Variants in PTK2B observed in about 807,000 individuals in gnomAD.
The protein encoded by PTK2B is protein-tyrosine kinase 2-beta.
In PTK2B, 71 loss-of-function variants were observed where a neutral mutation model predicts 142.9. That is an observed-to-expected ratio of 0.50 (90% CI 0.41 to 0.61). PTK2B has a LOEUF of 0.61. Ranked by LOEUF, PTK2B falls within the 20% of genes least tolerant of loss-of-function variation. The probability of loss-of-function intolerance (pLI) is 0.00; values close to 1 mark genes in which losing one functional copy is unlikely to be tolerated. For missense variants in PTK2B, 1,105 were observed against 1,320.4 expected (o/e 0.84, Z 2.53); for synonymous variants, 519 against 503.4 (o/e 1.03, Z -0.42).
chr8:27,388,743 A>G (rs971543799), intron 1 of PTK2B, among the ~76,000 whole-genome samples: 6 of 152,216 alleles, frequency 3.9e-5, no homozygotes, highest in African/African-American at 1.4e-4. Context: ...CAAGTGCTAC[A>G]AATCAAGGCA....
In PTK2B at chr8:27,372,126, A is replaced by G. The variant is rs181045988; in HGVS notation, c.-37-25422A>G. Among the ~76,000 whole-genome samples, 223 of 152,352 alleles carry G rather than the reference A, an allele frequency of 1.5e-3. 1 individual carries two copies. The highest frequency in any genetic ancestry group is 4.7e-3 in the African/African-American group (195 of 41,584). The stretch of plus-strand genomic sequence containing the variant: ...TGTGACTATATTCAACACTAGAAAT[A>G]TGATATAAATGTGGTCAGTGAGCCA... On this transcript the variant is annotated intron_variant, in intron 1 of 30. Transcript: ENST00000346049.
chr8:27,422,451 C>A, intron 5 of PTK2B, 68 bp downstream of exon 5: 1 of 1,360,556 alleles, frequency 7.3e-7, no homozygotes, highest in South Asian at 1.5e-5. Context: ...GACCTTTCCC[C>A]ATGTCCAAGA....
chr8:27,404,459 A>G (rs1242956427), intron 2 of PTK2B, among the ~76,000 whole-genome samples: 3 of 152,154 alleles, frequency 2.0e-5, no homozygotes, highest in Admixed American at 1.3e-4. Context: ...TCACATTCAC[A>G]TCCTCAGGAG....
intron 2 of PTK2B, among the ~76,000 whole-genome samples, chr8:27,417,590 A>C (rs1438787902): frequency 6.6e-6 from 1 of 152,218 alleles, no homozygotes; most frequent in Non-Finnish European, 1.5e-5. Context: ...TAGAAATTTT[A>C]CATTTAAAGA....
chr8:27,333,479 C>T (rs1208598805), intron 1 of PTK2B, among the ~76,000 whole-genome samples: 1 of 152,094 alleles, frequency 6.6e-6, no homozygotes, highest in Admixed American at 6.5e-5. Flanking sequence ...TATTTCAGGC[C>T]TCACACATCT....
chr8:27,395,121 G>C (rs1807966174), intron 1 of PTK2B, among the ~76,000 whole-genome samples: 1 of 152,020 alleles, frequency 6.6e-6, no homozygotes, highest in Non-Finnish European at 1.5e-5. Context: ...AAAAATTATA[G>C]TAGAGGAAGT....
At chr8:27,412,442 C>G (rs1039602308) in intron 2 of PTK2B, among the ~76,000 whole-genome samples, 1 of 152,228 alleles carries the variant, frequency 6.6e-6, no homozygotes, top group African/African-American at 2.4e-5. Context: ...TTAAACACCC[C>G]CTCTGCAGAA....
At chr8:27,381,021 G>A (rs1023015084) in intron 1 of PTK2B, among the ~76,000 whole-genome samples, 3 of 152,128 alleles carry the variant, frequency 2.0e-5, no homozygotes, top group Non-Finnish European at 2.9e-5. Context: ...CTTCAGATTG[G>A]CTAAGAGAGT....
At chr8:27,379,786 A>T (rs1806902506) in intron 1 of PTK2B, among the ~76,000 whole-genome samples, 1 of 152,112 alleles carries the variant, frequency 6.6e-6, no homozygotes, top group African/African-American at 2.4e-5. Context: ...ATCTAAAAAA[A>T]CTGGACTGCA....
At chr8:27,311,524 G>T in exon 1 of PTK2B, 1 of 491,440 alleles carries the variant, frequency 2.0e-6, no homozygotes, top group East Asian at 3.5e-5. Flanking sequence ...CCTGGCCGGG[G>T]TAGCACGGAA....
chr8:27,430,573 C>T (rs1391285695), intron 7 of PTK2B, among the ~76,000 whole-genome samples, 155 bp downstream of exon 7: 4 of 152,082 alleles, frequency 2.6e-5, no homozygotes, highest in Admixed American at 6.5e-5. Context: ...CAGGGGTCCT[C>T]TCTGGGGCTG....
chr8:27,357,278 CAAATT>C lies in PTK2B; in HGVS notation c.-38+31601_-38+31605del, dbSNP rs201467191. Reference sequence around the variant, plus strand: ...AAATAAAAAGTACAAAAAATACTGACAAATTAAAATTCCTCTGACACTTCTTCTGT... The same window carrying C: ...AAATAAAAAGTACAAAAAATACTGACAAAATTCCTCTGACACTTCTTCTGT... On this transcript the variant is annotated intron_variant, in intron 1 of 30. Transcript: ENST00000346049. 7.6e-3 allele frequency among the ~76,000 whole-genome samples: 1,157 copies of C among 152,336 alleles called. 16 individuals carry two copies. Among genetic ancestry groups the C allele is most frequent in the African/African-American group, 0.026 (1,092 of 41,584 alleles).
chr8:27,315,426 T>C (rs1586067363), intron 3 of PTK2B, among the ~76,000 whole-genome samples: 1 of 152,172 alleles, frequency 6.6e-6, no homozygotes, highest in Admixed American at 6.5e-5. Context: ...TTAGAGGCAA[T>C]ATCCAAAAAA....
chr8:27,420,542 G>C (rs984267554), intron 3 of PTK2B, 115 bp from the exon 4 acceptor site: 1 of 973,126 alleles, frequency 1.0e-6, no homozygotes, highest in African/African-American at 1.6e-5. Flanking sequence ...CGAGACTCAT[G>C]GGCAGCCCTT....
At chr8:27,443,881 C>G (rs769758371) in intron 22 of PTK2B, among the ~76,000 whole-genome samples, 24 of 152,334 alleles carry the variant, frequency 1.6e-4, no homozygotes, top group African/African-American at 5.8e-4. Context: ...CTGGTGAGCT[C>G]CTACCTCTGC....
At chr8:27,406,060 AGGCTCTAGG>A (rs1808693686) in intron 2 of PTK2B, among the ~76,000 whole-genome samples, 1 of 152,210 alleles carries the variant, frequency 6.6e-6, no homozygotes, top group African/African-American at 2.4e-5. Context: ...GTTCTCCTGA[AGGCTCTAGG>A]GGAGGATCTC....
At chr8:27,320,125 G>A (rs1177542873) in intron 3 of PTK2B, among the ~76,000 whole-genome samples, 1 of 152,056 alleles carries the variant, frequency 6.6e-6, no homozygotes. Context: ...TTCCTGGGTG[G>A]TACCTGCGAT....
At chr8:27,400,794 G>GA (rs1808332773) in intron 2 of PTK2B, among the ~76,000 whole-genome samples, 1 of 152,206 alleles carries the variant, frequency 6.6e-6, no homozygotes, top group South Asian at 2.1e-4. Flanking sequence ...CCCCACGGAG[G>GA]AGCGTGGGTC....
chr8:27,414,081 T>C (rs1417280686), intron 2 of PTK2B, among the ~76,000 whole-genome samples: 1 of 152,222 alleles, frequency 6.6e-6, no homozygotes, highest in Non-Finnish European at 1.5e-5. Flanking sequence ...TCTCAACACT[T>C]TGTTTTTATA....
Sources: allele counts gnomAD v4.1 joint callset (sites outside exome capture counted in the v4.1 genomes callset), GRCh38; gene constraint gnomAD v4.1.1; transcripts MANE v1.5; gene names NCBI Gene and HGNC (gene_info 2026-07-23, HGNC 2026-07-21).